Variants in ATF7 observed in about 807,000 individuals in gnomAD.
The protein encoded by ATF7 is cyclic AMP-dependent transcription factor ATF-7.
A neutral mutation model predicts 50.4 loss-of-function variants in ATF7; 10 were observed. That is an observed-to-expected ratio of 0.20 (90% CI 0.12 to 0.34). The LOEUF (loss-of-function observed/expected upper bound fraction) is 0.34. ATF7 is among the 10% of genes least tolerant of loss of function. The pLI, the probability that ATF7 is intolerant of heterozygous loss-of-function variation, is 1.00. For synonymous variants in ATF7, 201 were observed against 226.4 expected, an observed-to-expected ratio of 0.89 and a Z score of 1.01; for missense variants, 465 against 613.9, an observed-to-expected ratio of 0.76 and a Z score of 2.56.
At position 53,543,439 on chromosome 12, in the gene ATF7, G is replaced by C. The variant is rs1384143079; in HGVS notation, c.155C>G (p.Pro52Arg). ...GTTCTTCAGGAATCTAGTTGGAGTA[G>C]GCGTTTGATCTGTAGACATGAAAGA... ...TDSVIIADQT[P>R]TPTRFLKNCE... is the part of the protein sequence containing the mutation. The change falls in exon 4 of 12, where the codon CCT becomes CGT. Residue 52 changes from proline (P) to arginine (R), a missense_variant. Pro to Arg is a moderately radical substitution (Grantham distance 103). Coordinates refer to ENST00000420353, the MANE Select transcript of ATF7 (RefSeq NM_006856.3). The C allele has an allele frequency of 1.9e-6, 3 of 1,594,458 alleles. No homozygotes were observed. The highest frequency in any genetic ancestry group is 1.3e-5 in the African/African-American group (1 of 74,612).
At chr12:53,548,997 C>T (rs144095499) in intron 3 of ATF7, among the ~76,000 whole-genome samples, 1 of 151,358 alleles carries the variant, frequency 6.6e-6, no homozygotes, top group East Asian at 2.0e-4. Flanking sequence ...AAAAATACCC[C>T]CCAAAACGGC....
At chr12:53,618,462 A>C (rs970691219) in intron 1 of ATF7, among the ~76,000 whole-genome samples, 1 of 152,248 alleles carries the variant, frequency 6.6e-6, no homozygotes, top group African/African-American at 2.4e-5. Context: ...TAAAAATTAA[A>C]ATGCCAAAAG....
intron 3 of ATF7, among the ~76,000 whole-genome samples, chr12:53,546,383 A>AAAAAACAAAAAAC (rs548863939): frequency 1.4e-4 from 21 of 152,272 alleles, no homozygotes; most frequent in African/African-American, 5.1e-4. Flanking sequence ...CAAAAAAAAC[A>AAAAAACAAAAAAC]AAAAACAGGA....
At chr12:53,579,430 T>TGG (rs1942275056) in intron 2 of ATF7, among the ~76,000 whole-genome samples, 1 of 151,562 alleles carries the variant, frequency 6.6e-6, no homozygotes, top group Non-Finnish European at 1.5e-5. Context: ...TATACACCTG[T>TGG]AATCCCAGCT....
intron 2 of ATF7, among the ~76,000 whole-genome samples, chr12:53,597,007 C>T (rs1370247756): frequency 6.6e-6 from 1 of 152,174 alleles, no homozygotes; most frequent in African/African-American, 2.4e-5. Flanking sequence ...GCTCCTGCTA[C>T]CACATTCCAC....
At chr12:53,578,857 C>T (rs778140222) in intron 2 of ATF7, among the ~76,000 whole-genome samples, 40 of 151,830 alleles carry the variant, frequency 2.6e-4, no homozygotes, top group Non-Finnish European at 4.6e-4. Flanking sequence ...GGATCCTTGC[C>T]GTTGGAGGTT....
chr12:53,546,456 CTTT>C (rs978440013), intron 3 of ATF7, among the ~76,000 whole-genome samples: 38 of 112,966 alleles, frequency 3.4e-4, no homozygotes, highest in Non-Finnish European at 5.8e-4. Context: ...TTCTTTCTTT[CTTT>C]TTTTTTTTTG....
intron 2 of ATF7, among the ~76,000 whole-genome samples, chr12:53,552,855 C>T (rs773361062): frequency 8.6e-5 from 13 of 152,008 alleles, no homozygotes; most frequent in Non-Finnish European, 1.8e-4. Flanking sequence ...ACCAACTGCT[C>T]TGTAATATCA....
chr12:53,547,747 TTATGTATGTATG>T (rs57447677), intron 3 of ATF7, among the ~76,000 whole-genome samples: 45,386 of 149,068 alleles, frequency 0.3, 7,144 homozygotes, highest in East Asian at 0.58. Flanking sequence ...TCGGCTAATT[TTATGTATGTATG>T]TATGTATGTA....
intron 1 of ATF7, among the ~76,000 whole-genome samples, chr12:53,609,413 C>T (rs1183585299): frequency 6.6e-6 from 1 of 151,756 alleles, no homozygotes; most frequent in Non-Finnish European, 1.5e-5. Context: ...CTCAGCCTCC[C>T]AAAGTGCTGG....
intron 2 of ATF7, among the ~76,000 whole-genome samples, chr12:53,568,414 T>C (rs1280108218): frequency 6.6e-6 from 1 of 151,838 alleles, no homozygotes; most frequent in Non-Finnish European, 1.5e-5. Context: ...TCTCTCTCTC[T>C]TTCTCTCTCT....
intron 2 of ATF7, among the ~76,000 whole-genome samples, chr12:53,577,831 A>G (rs1388688958): frequency 6.6e-6 from 1 of 152,182 alleles, no homozygotes; most frequent in Non-Finnish European, 1.5e-5. Flanking sequence ...AATGTCAGAC[A>G]CCACACCATA....
chr12:53,534,199 C>A (rs1025463498), intron 6 of ATF7, among the ~76,000 whole-genome samples: 1 of 152,112 alleles, frequency 6.6e-6, no homozygotes, highest in Non-Finnish European at 1.5e-5. Context: ...ATGGCCTGAA[C>A]CCGGGAGACG....
In ATF7 at chr12:53,531,777, C is replaced by G; in HGVS notation, c.894G>C (p.Gln298His). 1.9e-6 allele frequency: 3 copies of G among 1,612,066 alleles called. No homozygotes were observed. Among genetic ancestry groups the G allele is most frequent in the Non-Finnish European group, 2.5e-6 (3 of 1,179,328 alleles). ...ARPEQSQILIQHPDAPSPAQP... is the reference protein window; with the variant it reads ...ARPEQSQILIHHPDAPSPAQP... ...GGGCAGGGGATGGGGCATCAGGGTGCTGGATGAGAATCTGGCTCTGCTCTG... is the reference window on the plus strand; with the variant it reads ...GGGCAGGGGATGGGGCATCAGGGTGGTGGATGAGAATCTGGCTCTGCTCTG... Residue 298 changes from glutamine to histidine, a missense_variant, in exon 9 of 12, where the codon CAG becomes CAC. Physicochemically the swap from Gln to His is conservative, Grantham distance 24 (BLOSUM62 0). Transcript: ENST00000420353.
downstream of ATF7, among the ~76,000 whole-genome samples, chr12:53,510,042 C>CT (rs552667000): frequency 8.0e-3 from 1,137 of 142,562 alleles, 7 homozygotes; most frequent in African/African-American, 0.025. Context: ...GTAGTTTTAT[C>CT]TTTTTTTTTT....
intron 3 of ATF7, among the ~76,000 whole-genome samples, chr12:53,548,345 C>A (rs1486703961): frequency 6.6e-6 from 1 of 151,870 alleles, no homozygotes; most frequent in East Asian, 1.9e-4. Flanking sequence ...TTTCTTTATT[C>A]TTTTTTAGAG....
chr12:53,559,265 C>T (rs939766421), intron 2 of ATF7, among the ~76,000 whole-genome samples: 1 of 151,412 alleles, frequency 6.6e-6, no homozygotes, highest in Admixed American at 6.6e-5. Context: ...GGTCCCATTA[C>T]GTTGCCCAGC....
At chr12:53,620,265 C>A (rs1049667758) in intron 1 of ATF7, among the ~76,000 whole-genome samples, 1 of 151,882 alleles carries the variant, frequency 6.6e-6, no homozygotes, top group African/African-American at 2.4e-5. Flanking sequence ...ATGATGAAAA[C>A]CCATATCTAC....
chr12:53,572,853 T>G (rs11834566), intron 2 of ATF7, among the ~76,000 whole-genome samples: 26,286 of 151,180 alleles, frequency 0.17, 2,916 homozygotes, highest in East Asian at 0.56. Context: ...TGGCACAATC[T>G]CAGCTCACTG....
Sources: gnomAD v4.1 joint callset for allele counts (sites outside exome capture counted in the v4.1 genomes callset) on GRCh38, gnomAD v4.1.1 for gene constraint, MANE v1.5 for transcripts, NCBI Gene and HGNC (gene_info 2026-07-23, HGNC 2026-07-21) for gene names.